TMEM230: variants seen among roughly 807,000 people sequenced by gnomAD.
TMEM230 encodes UPF0414 transmembrane protein C20orf30.
Under a neutral mutation model 15.8 loss-of-function variants are expected in TMEM230, and 10 were observed. The observed-to-expected ratio is 0.63, with a 90% CI of 0.39 to 1.07. The LOEUF (loss-of-function observed/expected upper bound fraction) is 1.07. Among genes scored for constraint, TMEM230 ranks in the 50% least tolerant of loss-of-function variants. The pLI, the probability that TMEM230 is intolerant of heterozygous loss-of-function variation, is 0.01. For synonymous variants in TMEM230, 67 were observed against 76.9 expected (o/e 0.87, Z 0.68); for missense variants, 165 against 193.3 (o/e 0.85, Z 0.87).
At chr20:5,063,539 T>C (rs2088625962), downstream of TMEM230, among the ~76,000 whole-genome samples, 1 of 152,002 alleles carries the variant, frequency 6.6e-6, no homozygotes, top group South Asian at 2.1e-4. Context: ...TCTGCCCACC[T>C]CGGCCTCCCA....
chr20:5,089,257 C>G (rs1042366782), intron 3 of TMEM230, among the ~76,000 whole-genome samples: 1 of 152,074 alleles, frequency 6.6e-6, no homozygotes, highest in Admixed American at 6.6e-5. Context: ...CACCTATAGT[C>G]CCAGCTATTA....
downstream of TMEM230, among the ~76,000 whole-genome samples, chr20:5,063,969 G>A (rs554756238): frequency 1.1e-4 from 17 of 152,148 alleles, no homozygotes; most frequent in East Asian, 3.9e-4. Context: ...CACAGATAAC[G>A]AAACAAGAAA....
At chr20:5,108,420 CAAAA>C (rs556966217) in intron 3 of TMEM230, among the ~76,000 whole-genome samples, 7 of 79,840 alleles carry the variant, frequency 8.8e-5, no homozygotes, top group Non-Finnish European at 1.5e-4. Context: ...ACTCCGTCTC[CAAAA>C]AAAAAAAAAA....
downstream of TMEM230, among the ~76,000 whole-genome samples, chr20:5,064,427 T>C (rs2088632759): frequency 6.6e-6 from 1 of 151,404 alleles, no homozygotes; most frequent in African/African-American, 2.4e-5. Flanking sequence ...AAACACAAAA[T>C]TAGCTGGGTG....
rs1223271179 is a variant in TMEM230 at position 5,100,189 on chromosome 20, A to C, written c.*602T>G. 5.1e-6 allele frequency: 5 copies of C among 985,466 alleles called. No homozygotes were observed. The highest frequency in any genetic ancestry group is 6.0e-6 in the Non-Finnish European group (5 of 829,934). 61.0% of individuals were successfully genotyped at this position (985,466 alleles called of 1,614,324 possible). A position where few individuals can be genotyped will look rare whatever the true frequency, so the allele number is the denominator to read the frequency against. ...CCAACCTACTGGTGAACTGGATCAG[A>C]ATGGTCCAAGGACTGTTAAACAGAG... On this transcript the variant is annotated 3_prime_UTR_variant, in exon 5 of 5. Transcript: ENST00000342308.
chr20:5,065,097 G>A (rs1033002322), downstream of TMEM230, among the ~76,000 whole-genome samples: 1 of 151,756 alleles, frequency 6.6e-6, no homozygotes, highest in African/African-American at 2.4e-5. Context: ...GAAAAATATA[G>A]GAAGGCAGGT....
chr20:5,084,546 GT>G (rs902935384), intron 3 of TMEM230, among the ~76,000 whole-genome samples: 2 of 144,378 alleles, frequency 1.4e-5, no homozygotes, highest in African/African-American at 5.2e-5. Context: ...TATTATTATT[GT>G]TTTTTGAGAT....
At chr20:5,112,227 T>C (rs930462022) in intron 1 of TMEM230, among the ~76,000 whole-genome samples, 2 of 152,258 alleles carry the variant, frequency 1.3e-5, no homozygotes, top group African/African-American at 2.4e-5. Flanking sequence ...TCCGTTTTTA[T>C]TGATTACATC....
chr20:5,103,085 C>CA (rs2089934651), intron 4 of TMEM230, among the ~76,000 whole-genome samples: 1 of 152,090 alleles, frequency 6.6e-6, no homozygotes, highest in South Asian at 2.1e-4. Context: ...CTACATCCAC[C>CA]GGGTGTGGTG....
chr20:5,063,277 ATTTTTTTTTTT>A (rs1165126313), downstream of TMEM230, among the ~76,000 whole-genome samples: 5 of 86,412 alleles, frequency 5.8e-5, no homozygotes, highest in South Asian at 1.1e-3. Context: ...GCTGCTATGA[ATTTTTTTTTTT>A]TTTTTTTTTT....
At chr20:5,072,289 C>T (rs932725190) in intron 3 of TMEM230, among the ~76,000 whole-genome samples, 3 of 152,086 alleles carry the variant, frequency 2.0e-5, no homozygotes, top group Admixed American at 1.3e-4. Context: ...TGGCCTCAAG[C>T]GATCTTCCCA....
chr20:5,085,789 G>T (rs6084995), intron 3 of TMEM230, among the ~76,000 whole-genome samples: 79,387 of 151,908 alleles, frequency 0.52, 21,309 homozygotes, highest in East Asian at 0.84. Flanking sequence ...CCCCAGCTAG[G>T]GTAGGGGACG....
downstream of TMEM230, among the ~76,000 whole-genome samples, chr20:5,096,842 C>T (rs914864507): frequency 6.6e-6 from 1 of 152,178 alleles, no homozygotes; most frequent in African/African-American, 2.4e-5. Flanking sequence ...TTTGATAAAC[C>T]TAAGTGCCCA....
At chr20:5,063,968 C>T (rs991814766), downstream of TMEM230, among the ~76,000 whole-genome samples, 1 of 151,994 alleles carries the variant, frequency 6.6e-6, no homozygotes, top group Non-Finnish European at 1.5e-5. Context: ...TCACAGATAA[C>T]GAAACAAGAA....
rs1377207607 is a variant in TMEM230 at position 5,081,869 on chromosome 20, TTTTC to T, written c.223-12524_223-12521del. On this transcript the variant is annotated intron_variant, in intron 3 of 3. Coordinates refer to the TMEM230 transcript ENST00000612323. ...GTTTGAAATTCACTGATTTTCTTTT[TTTTC>T]TTTTTTTTTTTTTTTTTTTAGACAG... Among the ~76,000 whole-genome samples the T allele has an allele frequency of 3.9e-4, 16 of 40,662 alleles. 1 individual carries two copies. The highest frequency in any genetic ancestry group is 6.4e-4 in the Admixed American group (2 of 3,108). 26.7% of individuals were successfully genotyped at this position (40,662 alleles called of 152,430 possible).
At chr20:5,087,023 A>G (rs2089361536) in intron 3 of TMEM230, among the ~76,000 whole-genome samples, 1 of 152,046 alleles carries the variant, frequency 6.6e-6, no homozygotes, top group Admixed American at 6.6e-5. Flanking sequence ...TCAGGCATGC[A>G]CCACCATGCT....
At chr20:5,091,378 T>C (rs910842685) in intron 3 of TMEM230, among the ~76,000 whole-genome samples, 1 of 152,146 alleles carries the variant, frequency 6.6e-6, no homozygotes, top group African/African-American at 2.4e-5. Context: ...ACCTGGCTAA[T>C]TTTTGTATTT....
chr20:5,097,707 C>T (rs1274021466), downstream of TMEM230, among the ~76,000 whole-genome samples: 3 of 152,050 alleles, frequency 2.0e-5, no homozygotes, highest in African/African-American at 7.2e-5. Context: ...GTGATCTAGG[C>T]TCATTGCAAC....
At chr20:5,109,138 T>C (rs1475281314) in intron 3 of TMEM230, 194 bp downstream of exon 2, 3 of 498,478 alleles carry the variant, frequency 6.0e-6, no homozygotes, top group East Asian at 3.3e-5. Flanking sequence ...TGGACAATAC[T>C]GGAATTGGTT....
Sources: gnomAD v4.1 joint callset for allele counts (sites outside exome capture counted in the v4.1 genomes callset) on GRCh38, gnomAD v4.1.1 for gene constraint, MANE v1.5 for transcripts, NCBI Gene and HGNC (gene_info 2026-07-23, HGNC 2026-07-21) for gene names.